The following PPP2R5E variants were observed in gnomAD, a reference collection of about 807,000 sequenced individuals.
PPP2R5E encodes serine/threonine-protein phosphatase 2A 56 kDa regulatory subunit epsilon isoform.
A neutral mutation model predicts 65.3 loss-of-function variants in PPP2R5E; 4 were observed. That is an observed-to-expected ratio of 0.06 (90% CI 0.03 to 0.14). PPP2R5E has a LOEUF of 0.14. PPP2R5E is among the 10% of genes least tolerant of loss of function. The probability of loss-of-function intolerance (pLI) is 1.00; values close to 1 mark genes in which losing one functional copy is unlikely to be tolerated. For synonymous variants in PPP2R5E, 183 were observed against 187.4 expected, an observed-to-expected ratio of 0.98 and a Z score of 0.19; for missense variants, 274 against 556.1, an observed-to-expected ratio of 0.49 and a Z score of 5.10.
intron 2 of PPP2R5E, among the ~76,000 whole-genome samples, chr14:63,519,668 CTTT>C (rs879481527): frequency 7.1e-6 from 1 of 140,284 alleles, no homozygotes; most frequent in Non-Finnish European, 1.6e-5. Context: ...GACAAACTCT[CTTT>C]TTTTTTTTTT....
At chr14:63,466,076 C>T (rs552170230) in intron 2 of PPP2R5E, among the ~76,000 whole-genome samples, 1 of 152,164 alleles carries the variant, frequency 6.6e-6, no homozygotes, top group Admixed American at 6.5e-5. Flanking sequence ...ATTGAGGGTC[C>T]TTCCCCAAGA....
In PPP2R5E at chr14:63,503,192, A is replaced by G. The variant is rs142349159; in HGVS notation, c.157+36337T>C. 1.8e-3 allele frequency among the ~76,000 whole-genome samples: 270 copies of G among 152,270 alleles called. 1 individual carries two copies. Among genetic ancestry groups the G allele is most frequent in the African/African-American group, 6.1e-3 (252 of 41,546 alleles). On this transcript the variant is annotated intron_variant, in intron 2 of 13. Transcript: ENST00000337537. ...ACTGTATGTACAGAGGGATTTTGGGAAAGGCATCATCAGAGTGAGCTAGAC... is the reference window on the plus strand; with the variant it reads ...ACTGTATGTACAGAGGGATTTTGGGGAAGGCATCATCAGAGTGAGCTAGAC...
intron 2 of PPP2R5E, among the ~76,000 whole-genome samples, chr14:63,525,085 A>G (rs1893127723): frequency 6.6e-6 from 1 of 152,220 alleles, no homozygotes; most frequent in Non-Finnish European, 1.5e-5. Context: ...AGTTAAAAGC[A>G]AACATCGCTT....
At chr14:63,442,611 C>T (rs1302199151) in intron 3 of PPP2R5E, among the ~76,000 whole-genome samples, 1 of 152,068 alleles carries the variant, frequency 6.6e-6, no homozygotes, top group East Asian at 1.9e-4. Context: ...AGAGGGAGAC[C>T]ACATTTACGT....
chr14:63,385,424 C>A (rs1884603791), intron 11 of PPP2R5E, among the ~76,000 whole-genome samples: 1 of 152,142 alleles, frequency 6.6e-6, no homozygotes, highest in South Asian at 2.1e-4. Flanking sequence ...TTCTCTAATT[C>A]TGCCCATGTC....
intron 2 of PPP2R5E, among the ~76,000 whole-genome samples, chr14:63,519,672 T>C (rs1892810609): frequency 2.0e-5 from 3 of 150,312 alleles, no homozygotes; most frequent in Admixed American, 1.3e-4. Flanking sequence ...AACTCTCTTT[T>C]TTTTTTTTTG....
chr14:63,534,108 A>G (rs963742218), intron 2 of PPP2R5E, among the ~76,000 whole-genome samples: 3 of 152,162 alleles, frequency 2.0e-5, no homozygotes, highest in Admixed American at 1.3e-4. Context: ...GTGAGGAGAG[A>G]ACATAAATCA....
rs999229185 is a variant in PPP2R5E at position 63,374,844 on chromosome 14, T to C, written c.*1165A>G. On this transcript the variant is annotated 3_prime_UTR_variant, in exon 14 of 14. Transcript: ENST00000337537. The stretch of plus-strand genomic sequence containing the variant: ...CCACTTTTGGTAACAAATACAGTAG[T>C]TAGGAATATGCATCCAATTCAGAAT... 6.6e-6 allele frequency: 1 copy of C among 152,168 alleles called. No homozygotes were observed. The highest frequency in any genetic ancestry group is 1.5e-5 in the Non-Finnish European group (1 of 67,938). The allele number at this position is 152,168 out of a possible 1,614,324, so 9.4% of individuals were successfully genotyped here. A position where few individuals can be genotyped will look rare whatever the true frequency, so the allele number is the denominator to read the frequency against.
At chr14:63,415,271 T>C in intron 4 of PPP2R5E, 39 bp from the exon 5 acceptor site, 1 of 1,456,774 alleles carries the variant, frequency 6.9e-7, no homozygotes, top group Non-Finnish European at 9.6e-7. Flanking sequence ...AAATTATGAC[T>C]CACTGAGAAC....
chr14:63,449,052 CT>C (rs1888666902), intron 3 of PPP2R5E, among the ~76,000 whole-genome samples: 2 of 152,214 alleles, frequency 1.3e-5, no homozygotes, highest in Non-Finnish European at 2.9e-5. Flanking sequence ...GCTCTCGGTA[CT>C]AATGCTGATA....
intron 5 of PPP2R5E, among the ~76,000 whole-genome samples, chr14:63,397,536 A>G (rs567901506): frequency 2.6e-4 from 38 of 148,670 alleles, no homozygotes; most frequent in South Asian, 6.4e-4. Context: ...AAAAAGGATA[A>G]GCCTTCAGCT....
intron 2 of PPP2R5E, among the ~76,000 whole-genome samples, chr14:63,501,675 A>G (rs1172168967): frequency 6.6e-6 from 1 of 152,190 alleles, no homozygotes; most frequent in Non-Finnish European, 1.5e-5. Context: ...ACTAAAAACT[A>G]ATGAATTGCA....
intron 2 of PPP2R5E, among the ~76,000 whole-genome samples, chr14:63,514,046 A>G (rs1254762175): frequency 6.6e-6 from 1 of 152,244 alleles, no homozygotes; most frequent in Admixed American, 6.5e-5. Context: ...CTTGTGAACC[A>G]GCAAATGTCT....
chr14:63,412,871 T>C (rs969679948), intron 5 of PPP2R5E, among the ~76,000 whole-genome samples: 1 of 152,118 alleles, frequency 6.6e-6, no homozygotes. Context: ...CAACCACTGT[T>C]ATAGAGAAAA....
At chr14:63,509,886 T>C (rs1892379570) in intron 2 of PPP2R5E, among the ~76,000 whole-genome samples, 2 of 152,122 alleles carry the variant, frequency 1.3e-5, no homozygotes, top group South Asian at 4.1e-4. Flanking sequence ...GATCTGAGTA[T>C]AATAAGGTTT....
intron 2 of PPP2R5E, chr14:63,479,482 CTAAA>C (rs1890583239): frequency 6.6e-6 from 1 of 152,172 alleles, no homozygotes; most frequent in South Asian, 2.1e-4. Flanking sequence ...CTGCCTGTCC[CTAAA>C]TATTCTAGCT....
intron 2 of PPP2R5E, among the ~76,000 whole-genome samples, chr14:63,506,765 C>T (rs181752017): frequency 6.6e-6 from 1 of 152,150 alleles, no homozygotes; most frequent in South Asian, 2.1e-4. Flanking sequence ...AACAGAGTTA[C>T]CAAATGACCC....
intron 3 of PPP2R5E, among the ~76,000 whole-genome samples, chr14:63,437,963 A>C (rs981934946): frequency 6.6e-6 from 1 of 151,564 alleles, no homozygotes; most frequent in African/African-American, 2.4e-5. Context: ...ACCTCTCTCT[A>C]CTCATCACAG....
intron 5 of PPP2R5E, among the ~76,000 whole-genome samples, chr14:63,400,399 A>G (rs988699314): frequency 3.3e-4 from 51 of 152,344 alleles, no homozygotes; most frequent in African/African-American, 1.2e-3. Flanking sequence ...AGGCTGACCG[A>G]TGAAGAAATG....
Sources: allele counts gnomAD v4.1 joint callset (sites outside exome capture counted in the v4.1 genomes callset), GRCh38; gene constraint gnomAD v4.1.1; transcripts MANE v1.5; gene names NCBI Gene and HGNC (gene_info 2026-07-23, HGNC 2026-07-21).